DDAH1: variants seen among roughly 807,000 people sequenced by gnomAD.
DDAH1 encodes the protein N(G),N(G)-dimethylarginine dimethylaminohydrolase 1.
A neutral mutation model predicts 28.8 loss-of-function variants in DDAH1; 19 were observed. That is an observed-to-expected ratio of 0.66 (90% confidence interval 0.46 to 0.97). The LOEUF (loss-of-function observed/expected upper bound fraction) is 0.97, where lower values mean the gene tolerates loss of function less well. Among genes scored for constraint, DDAH1 ranks in the 50% least tolerant of loss-of-function variants. The pLI is 0.00. For synonymous variants in DDAH1, 153 were observed against 154.4 expected (o/e 0.99, Z 0.07); for missense variants, 326 against 375.9 (o/e 0.87, Z 1.10).
intron 1 of DDAH1, among the ~76,000 whole-genome samples, chr1:85,523,561 A>G (rs1396963657): frequency 6.6e-6 from 1 of 152,028 alleles, no homozygotes; most frequent in Non-Finnish European, 1.5e-5. Context: ...CTCTGGCTAC[A>G]ATGTGGTATT....
chr1:85,569,918 A>G (rs576111480), intron 1 of DDAH1, among the ~76,000 whole-genome samples: 7 of 152,270 alleles, frequency 4.6e-5, no homozygotes, highest in African/African-American at 1.7e-4. Flanking sequence ...ATCACTCGCT[A>G]TACCCCATGC....
intron 1 of DDAH1, among the ~76,000 whole-genome samples, chr1:85,396,053 C>T (rs1227942890): frequency 1.3e-5 from 2 of 152,100 alleles, no homozygotes; most frequent in African/African-American, 2.4e-5. Context: ...TTAAGATTTT[C>T]TACAGCTATG....
At chr1:85,516,185 T>C (rs541500440) in intron 1 of DDAH1, among the ~76,000 whole-genome samples, 2 of 151,968 alleles carry the variant, frequency 1.3e-5, no homozygotes, top group Non-Finnish European at 2.9e-5. Context: ...TTTCAACATA[T>C]GAATTTGCTA....
chr1:85,576,024 C>T (rs2100575923), intron 1 of DDAH1: 1 of 150,570 alleles, frequency 6.6e-6, no homozygotes, highest in African/African-American at 2.4e-5. Flanking sequence ...AACAAACCTG[C>T]ACGTTGTGCA....
At chr1:85,392,833 C>T (rs1651624959) in intron 1 of DDAH1, among the ~76,000 whole-genome samples, 1 of 151,576 alleles carries the variant, frequency 6.6e-6, no homozygotes, top group African/African-American at 2.4e-5. Flanking sequence ...AAAATGAACC[C>T]CTGATGACTC....
intron 1 of DDAH1, among the ~76,000 whole-genome samples, chr1:85,411,761 A>G (rs957553332): frequency 6.6e-6 from 1 of 152,192 alleles, no homozygotes; most frequent in Non-Finnish European, 1.5e-5. Flanking sequence ...GAGGCTCCCC[A>G]TGGGGACTGC....
At chr1:85,370,410 G>T (rs1650319402) in intron 1 of DDAH1, among the ~76,000 whole-genome samples, 1 of 152,216 alleles carries the variant, frequency 6.6e-6, no homozygotes, top group East Asian at 1.9e-4. Flanking sequence ...GTTGCCAGAT[G>T]GGGTTAGCTG....
At chr1:85,479,840 C>G (rs956393812) in intron 2 of DDAH1, among the ~76,000 whole-genome samples, 14 of 152,094 alleles carry the variant, frequency 9.2e-5, no homozygotes, top group Admixed American at 9.2e-4. Flanking sequence ...CATGCTGGGC[C>G]AGGCTAATCA....
intron 1 of DDAH1, among the ~76,000 whole-genome samples, chr1:85,376,418 A>G (rs1207001163): frequency 1.3e-5 from 2 of 152,176 alleles, no homozygotes; most frequent in African/African-American, 4.8e-5. Context: ...TAACTTTAAA[A>G]TTCTTTCATC....
chr1:85,334,713 G>A (rs1647999688), intron 4 of DDAH1, among the ~76,000 whole-genome samples: 1 of 152,130 alleles, frequency 6.6e-6, no homozygotes, highest in African/African-American at 2.4e-5. Context: ...GCAGAATTGT[G>A]AGTCAATTAA....
intron 1 of DDAH1, among the ~76,000 whole-genome samples, chr1:85,463,151 G>A (rs1285115488): frequency 1.3e-5 from 2 of 152,212 alleles, no homozygotes; most frequent in East Asian, 3.9e-4. Context: ...CTGGCAGTGG[G>A]CCACCAGGCT....
upstream of DDAH1, among the ~76,000 whole-genome samples, chr1:85,465,910 C>T (rs1655362726): frequency 6.6e-6 from 1 of 152,096 alleles, no homozygotes; most frequent in African/African-American, 2.4e-5. Context: ...TCATAGTATC[C>T]GGAAAATAAA....
At chr1:85,420,917 C>A (rs2100614102) in intron 1 of DDAH1, among the ~76,000 whole-genome samples, 1 of 152,322 alleles carries the variant, frequency 6.6e-6, no homozygotes, top group East Asian at 1.9e-4. Flanking sequence ...GCTCAGGGTT[C>A]TGCAGGCTGT....
chr1:85,480,609 G>C (rs12064626), intron 2 of DDAH1, among the ~76,000 whole-genome samples: 3,440 of 152,188 alleles, frequency 0.023, 68 homozygotes, highest in Middle Eastern at 0.071. Flanking sequence ...GCTGGGTGTG[G>C]TGGCAGGCAC....
At chr1:85,559,304 G>A (rs1659074061) in intron 1 of DDAH1, among the ~76,000 whole-genome samples, 2 of 152,134 alleles carry the variant, frequency 1.3e-5, no homozygotes, top group South Asian at 4.1e-4. Context: ...TTCTAGACCT[G>A]CCCTAGAAAT....
intron 4 of DDAH1, among the ~76,000 whole-genome samples, chr1:85,346,410 T>C (rs565851406): frequency 5.4e-4 from 82 of 152,064 alleles, no homozygotes; most frequent in Non-Finnish European, 1.1e-3. Context: ...AGTCAGGAGA[T>C]AGGTGGAAAG....
chr1:85,337,161 T>G (rs998052616), intron 4 of DDAH1, among the ~76,000 whole-genome samples: 2 of 152,208 alleles, frequency 1.3e-5, no homozygotes, highest in Middle Eastern at 3.2e-3. Context: ...ATCCTCATTC[T>G]TGTTTCTTGT....
chr1:85,468,700 A>G (rs1297698662), upstream of DDAH1, among the ~76,000 whole-genome samples: 1 of 152,038 alleles, frequency 6.6e-6, no homozygotes, highest in South Asian at 2.1e-4. Flanking sequence ...TTGTATTTTT[A>G]GTAGAGACAG....
chr1:85,325,107 A>G lies in DDAH1; in HGVS notation c.598-224T>C, dbSNP rs1261029639. Among the ~76,000 whole-genome samples, 5 of 140,906 alleles carry G rather than the reference A, an allele frequency of 3.5e-5. No homozygotes were observed. The East Asian group carries it at 1.0e-3, about 29-fold the overall frequency. 92.4% of individuals were successfully genotyped at this position (140,906 alleles called of 152,430 possible). A position where few individuals can be genotyped will look rare whatever the true frequency, so the allele number is the denominator to read the frequency against. ...AGGGTTTTTGTTGCTCTTTAAAAGTATGTGTTTGTCTCTCTTTTCTTTTAA... is the reference window on the plus strand; with the variant it reads ...AGGGTTTTTGTTGCTCTTTAAAAGTGTGTGTTTGTCTCTCTTTTCTTTTAA... On this transcript the variant is annotated intron_variant, in intron 4 of 5. Coordinates refer to ENST00000284031, the MANE Select transcript of DDAH1 (RefSeq NM_012137.4).
Sources: allele counts gnomAD v4.1 joint callset (sites outside exome capture counted in the v4.1 genomes callset), GRCh38; gene constraint gnomAD v4.1.1; transcripts MANE v1.5; gene names NCBI Gene and HGNC (gene_info 2026-07-23, HGNC 2026-07-21).